The following SLCO6A1 variants were observed in gnomAD, a reference collection of about 807,000 sequenced individuals.
The protein encoded by SLCO6A1 is cancer/testis antigen 48.
In SLCO6A1, 65 loss-of-function variants were observed where a neutral mutation model predicts 72.7. That is an observed-to-expected ratio of 0.89 (90% CI 0.73 to 1.10). The LOEUF (loss-of-function observed/expected upper bound fraction) is 1.10, where lower values mean the gene tolerates loss of function less well. Among genes scored for constraint, SLCO6A1 ranks in the 50% least tolerant of loss-of-function variants. The probability of loss-of-function intolerance (pLI) is 0.00; values close to 1 mark genes in which losing one functional copy is unlikely to be tolerated. For synonymous variants in SLCO6A1, 314 were observed against 298.2 expected (o/e 1.05, Z -0.55); for missense variants, 874 against 872.6 (o/e 1.00, Z -0.02).
intron 7 of SLCO6A1, among the ~76,000 whole-genome samples, chr5:102,423,263 G>A (rs982226343): frequency 6.6e-6 from 1 of 152,016 alleles, no homozygotes; most frequent in Non-Finnish European, 1.5e-5. Context: ...GATCAAATTC[G>A]CACATAACAA....
intron 7 of SLCO6A1, among the ~76,000 whole-genome samples, chr5:102,427,840 G>GTATA (rs1192315166): frequency 3.6e-4 from 37 of 102,740 alleles, no homozygotes; most frequent in East Asian, 1.5e-3. Flanking sequence ...GTGTGTGTAT[G>GTATA]TATACATATA....
chr5:102,469,923 G>A (rs533604161), intron 4 of SLCO6A1, among the ~76,000 whole-genome samples: 4 of 152,230 alleles, frequency 2.6e-5, no homozygotes, highest in South Asian at 2.1e-4. Context: ...TAATCATGTG[G>A]CTTTTGTCGT....
intron 10 of SLCO6A1, among the ~76,000 whole-genome samples, chr5:102,399,040 G>A (rs1053172121): frequency 6.6e-6 from 1 of 151,600 alleles, no homozygotes; most frequent in African/African-American, 2.4e-5. Context: ...TGATACAAAT[G>A]AATATTAAAT....
chr5:102,440,774 A>G (rs1749792230), intron 6 of SLCO6A1, among the ~76,000 whole-genome samples: 1 of 152,220 alleles, frequency 6.6e-6, no homozygotes, highest in African/African-American at 2.4e-5. Flanking sequence ...ATTATGCAGA[A>G]GTAGATAACA....
In SLCO6A1 at chr5:102,382,010, A is replaced by G. The variant is rs116529241; in HGVS notation, c.2017+6678T>C. Among the ~76,000 whole-genome samples, 329 of 151,708 alleles carry G rather than the reference A, an allele frequency of 2.2e-3. 4 individuals carry two copies. The highest frequency in any genetic ancestry group is 7.7e-3 in the African/African-American group (319 of 41,502). ...GGGTTGCAAATATTTCTCTTATTCC[A>G]TAGGTTATCTCTTTACTCTGTTGAC... On this transcript the variant is annotated intron_variant, in intron 12 of 13. Transcript: ENST00000506729.
chr5:102,459,714 G>A lies in SLCO6A1; in HGVS notation c.963C>T (p.Ala321=), dbSNP rs765409944. The A allele has an allele frequency of 8.3e-5, 133 of 1,610,246 alleles. No individual in the cohort carries two copies. Among genetic ancestry groups the A allele is most frequent in the South Asian group, 1.2e-4 (11 of 90,550 alleles). The change falls in exon 5 of 14, where the codon GCC becomes GCT. Residue 321 remains alanine (A), a synonymous_variant. Coordinates refer to ENST00000506729, the MANE Select transcript of SLCO6A1 (RefSeq NM_173488.5). ...LWTWWINFLF[A]AVVAWCTLIP... ...TTAATGTACACCATGCAACGACAGC[G>A]GCAAAAAGAAAATTAATCCACCAAG...
intron 7 of SLCO6A1, among the ~76,000 whole-genome samples, chr5:102,424,784 A>G (rs377292537): frequency 6.6e-6 from 1 of 152,214 alleles, no homozygotes; most frequent in East Asian, 1.9e-4. Flanking sequence ...GGCCAGCATC[A>G]TCCAGATACC....
chr5:102,488,780 C>T (rs996892404), intron 1 of SLCO6A1, among the ~76,000 whole-genome samples: 1 of 152,136 alleles, frequency 6.6e-6, no homozygotes, highest in Non-Finnish European at 1.5e-5. Context: ...AATTTAGTCA[C>T]ATCAGAGAAA....
chr5:102,387,504 T>C (rs1338557365), intron 12 of SLCO6A1, among the ~76,000 whole-genome samples: 1 of 152,172 alleles, frequency 6.6e-6, no homozygotes, highest in Non-Finnish European at 1.5e-5. Context: ...TTCTTATTTT[T>C]GTTGAATTGC....
intron 9 of SLCO6A1, among the ~76,000 whole-genome samples, chr5:102,407,215 T>A (rs1325184742): frequency 6.6e-6 from 1 of 152,160 alleles, no homozygotes; most frequent in African/African-American, 2.4e-5. Context: ...TTACCACCCC[T>A]TTCCATGGCA....
intron 6 of SLCO6A1, 137 bp from the exon 7 acceptor site, chr5:102,438,898 TGATA>T (rs926893327): frequency 1.5e-4 from 48 of 331,022 alleles, no homozygotes; most frequent in Middle Eastern, 9.0e-4. Flanking sequence ...GATAGATAGA[TGATA>T]GATAGATAGA....
At chr5:102,451,106 G>C (rs1425290831) in intron 6 of SLCO6A1, among the ~76,000 whole-genome samples, 1 of 152,178 alleles carries the variant, frequency 6.6e-6, no homozygotes, top group African/African-American at 2.4e-5. Context: ...GATTCCATGT[G>C]GAAAACAATC....
At chr5:102,454,041 C>A (rs1346275339) in intron 6 of SLCO6A1, among the ~76,000 whole-genome samples, 1 of 152,224 alleles carries the variant, frequency 6.6e-6, no homozygotes, top group Admixed American at 6.5e-5. Flanking sequence ...AGCCTAATAT[C>A]ATTGGCCAGA....
chr5:102,468,622 T>G (rs188096219), intron 4 of SLCO6A1, among the ~76,000 whole-genome samples: 76 of 152,206 alleles, frequency 5.0e-4, no homozygotes, highest in Non-Finnish European at 1.0e-3. Context: ...TACTTTAAAG[T>G]CTGTTTTGTC....
intron 5 of SLCO6A1, 45 bp from the exon 6 acceptor site, chr5:102,458,536 T>A (rs1341336016): frequency 7.4e-7 from 1 of 1,355,062 alleles, no homozygotes; most frequent in Non-Finnish European, 1.0e-6. Context: ...TTCAAATAAC[T>A]AAAACCCATA....
intron 9 of SLCO6A1, 77 bp from the exon 10 acceptor site, chr5:102,399,819 T>G: frequency 9.5e-7 from 1 of 1,048,832 alleles, no homozygotes; most frequent in Non-Finnish European, 1.3e-6. Flanking sequence ...AAATAAAAAT[T>G]AAATCAATAA....
chr5:102,485,032 A>G (rs986188061), intron 1 of SLCO6A1, among the ~76,000 whole-genome samples: 4 of 151,894 alleles, frequency 2.6e-5, no homozygotes, highest in Middle Eastern at 3.2e-3. Context: ...CGGGTGAATC[A>G]CCTGAGGTCA....
At chr5:102,408,490 C>T (rs1747796410) in intron 9 of SLCO6A1, among the ~76,000 whole-genome samples, 1 of 152,060 alleles carries the variant, frequency 6.6e-6, no homozygotes, top group African/African-American at 2.4e-5. Context: ...TAATCAAAGC[C>T]ACATCAAAGT....
In SLCO6A1 at chr5:102,413,126, T is replaced by C; in HGVS notation, c.1490A>G (p.Asn497Ser). ...EDYDGTGKLG[N>S]LTAPCNEKCR... The stretch of plus-strand genomic sequence containing the variant: ...TTTTTCATTGCAAGGAGCCGTGAGG[T>C]TTCCCAACTTCCCTGTTCTGTAAAA... Residue 497 changes from asparagine (N) to serine (S), a missense_variant, in exon 9 of 14, where the codon AAC becomes AGC. Asn to Ser is a conservative substitution (Grantham distance 46). Transcript: ENST00000506729. 1.8e-5 allele frequency: 28 copies of C among 1,564,026 alleles called. No individual in the cohort carries two copies. Among genetic ancestry groups the C allele is most frequent in the Non-Finnish European group, 2.2e-5 (25 of 1,162,550 alleles).
Sources: gnomAD v4.1 joint callset for allele counts (sites outside exome capture counted in the v4.1 genomes callset) on GRCh38, gnomAD v4.1.1 for gene constraint, MANE v1.5 for transcripts, NCBI Gene and HGNC (gene_info 2026-07-23, HGNC 2026-07-21) for gene names.